The following MICAL2 variants were observed in gnomAD, a reference collection of about 807,000 sequenced individuals.
The protein encoded by MICAL2 is microtubule associated monooxygenase, calponin and LIM domain containing 2.
In MICAL2, 77 loss-of-function variants were observed where a neutral mutation model predicts 127.3. That is an observed-to-expected ratio of 0.60 (90% CI 0.50 to 0.73). The LOEUF is 0.73. Among genes scored for constraint, MICAL2 ranks in the 30% least tolerant of loss-of-function variants. MICAL2 has a pLI of 0.00. For missense variants in MICAL2, 1,351 were observed against 1,434.4 expected (o/e 0.94, Z 0.94); for synonymous variants, 570 against 551.1 (o/e 1.03, Z -0.48).
At position 12,145,347 on chromosome 11, in the gene MICAL2, CG is replaced by C. The variant is rs528299123; in HGVS notation, c.-78+6891del. 1.1e-4 allele frequency among the ~76,000 whole-genome samples: 17 copies of C among 152,250 alleles called. No individual in the cohort carries two copies. The East Asian group carries it at 3.1e-3, about 28-fold the overall frequency. On this transcript the variant is annotated intron_variant, in intron 2 of 27. Coordinates refer to ENST00000683283, the MANE Select transcript of MICAL2 (RefSeq NM_001282663.2). ...TACCCGATAAAGGCATCTTCTAGGC[CG>C]GGGCCTGGAAAGACAGATGATGTTT...
chr11:12,187,397 T>G (rs1037329000), intron 3 of MICAL2, among the ~76,000 whole-genome samples: 7 of 152,236 alleles, frequency 4.6e-5, no homozygotes, highest in African/African-American at 1.7e-4. Flanking sequence ...TCTAGGGGTG[T>G]GGTCCTGGGT....
intron 32 of MICAL2, among the ~76,000 whole-genome samples, chr11:12,332,136 GA>G (rs1340571729): frequency 1.7e-4 from 26 of 152,202 alleles, no homozygotes; most frequent in African/African-American, 6.0e-4. Flanking sequence ...TATGGGTTTT[GA>G]GGCATGCCTC....
At chr11:12,258,625 A>G in intron 25 of MICAL2, 69 bp downstream of exon 25, 1 of 1,423,522 alleles carries the variant, frequency 7.0e-7, no homozygotes, top group African/African-American at 1.4e-5. Context: ...GTGATCCTCA[A>G]AGTTAGGCCA....
intron 32 of MICAL2, among the ~76,000 whole-genome samples, chr11:12,329,448 C>T (rs1178201341): frequency 3.3e-5 from 5 of 152,144 alleles, no homozygotes; most frequent in South Asian, 2.1e-4. Context: ...TTCAGTTTGC[C>T]GCCAGCAACA....
intron 32 of MICAL2, among the ~76,000 whole-genome samples, chr11:12,349,031 C>T (rs1939001485): frequency 6.6e-6 from 1 of 152,178 alleles, no homozygotes; most frequent in Non-Finnish European, 1.5e-5. Flanking sequence ...GCCTTGTTTT[C>T]CCCTCTGCGT....
chr11:12,233,104 G>A lies in MICAL2; in HGVS notation c.1996-3073G>A, dbSNP rs756684381. Among the ~76,000 whole-genome samples the A allele has an allele frequency of 2.0e-4, 30 of 152,176 alleles. 1 individual carries two copies. Among genetic ancestry groups the A allele is most frequent in the Non-Finnish European group, 3.8e-4 (26 of 68,042 alleles). On this transcript the variant is annotated intron_variant, in intron 15 of 27. Coordinates refer to ENST00000683283, the MANE Select transcript of MICAL2 (RefSeq NM_001282663.2). ...TCCATGGTTTCTGGATTCCACTGGG[G>A]GCCTTGGAATGTATCTGCCATGGAT...
chr11:12,298,855 T>A (rs1864015129), intron 29 of MICAL2, among the ~76,000 whole-genome samples: 1 of 152,232 alleles, frequency 6.6e-6, no homozygotes, highest in East Asian at 1.9e-4. Context: ...TTGGTCATGA[T>A]GTGTTATTAC....
chr11:12,279,323 A>C (rs1286365277), intron 1 of MICAL2, among the ~76,000 whole-genome samples: 1 of 152,098 alleles, frequency 6.6e-6, no homozygotes, highest in Non-Finnish European at 1.5e-5. Flanking sequence ...GAACGAGTAG[A>C]TGTGGGGAGA....
At chr11:12,157,742 G>T (rs1590112831) in intron 2 of MICAL2, among the ~76,000 whole-genome samples, 1 of 152,064 alleles carries the variant, frequency 6.6e-6, no homozygotes, top group African/African-American at 2.4e-5. Flanking sequence ...TGAGGGGAAG[G>T]ATAGCCACCA....
chr11:12,339,291 T>A (rs543555402), intron 32 of MICAL2, among the ~76,000 whole-genome samples: 1 of 152,372 alleles, frequency 6.6e-6, no homozygotes, highest in East Asian at 1.9e-4. Flanking sequence ...GCCGTGGTTT[T>A]CAGCTCCATC....
intron 2 of MICAL2, among the ~76,000 whole-genome samples, chr11:12,144,775 T>C (rs988190): frequency 0.48 from 72,817 of 151,960 alleles, 18,071 homozygotes; most frequent in South Asian, 0.68. Flanking sequence ...GACCAATAAC[T>C]TCCTCCAGTT....
At position 12,150,058 on chromosome 11, in the gene MICAL2, G is replaced by C. The variant is rs1853403051; in HGVS notation, c.-78+11598G>C. On this transcript the variant is annotated intron_variant, in intron 2 of 27. Coordinates refer to ENST00000683283, the MANE Select transcript of MICAL2 (RefSeq NM_001282663.2). ...TGTGAGGAGAAAACAGATTGTGGTG[G>C]TTTGATGGATGAGTGGGAGGTGAGG... 2.0e-5 allele frequency among the ~76,000 whole-genome samples: 3 copies of C among 152,162 alleles called. No homozygotes were observed. The South Asian group carries it at 6.2e-4, about 32-fold the overall frequency.
chr11:12,271,672 G>GT (rs1863677814), upstream of MICAL2, among the ~76,000 whole-genome samples: 2 of 152,148 alleles, frequency 1.3e-5, no homozygotes, highest in Admixed American at 6.5e-5. Context: ...TCCAGTATTT[G>GT]TACTAGTGCC....
chr11:12,270,877 G>A (rs1863666955), intron 24 of MICAL2, among the ~76,000 whole-genome samples: 1 of 152,188 alleles, frequency 6.6e-6, no homozygotes, highest in South Asian at 2.1e-4. Flanking sequence ...GGGTTCTGGG[G>A]GTGAGTGGAA....
chr11:12,212,736 C>A (rs1855643583), intron 6 of MICAL2, among the ~76,000 whole-genome samples: 1 of 126,056 alleles, frequency 7.9e-6, no homozygotes, highest in Admixed American at 7.6e-5. Flanking sequence ...GATTTCAACA[C>A]ATGAATTTGT....
downstream of MICAL2, among the ~76,000 whole-genome samples, chr11:12,266,522 T>A (rs2134744966): frequency 6.6e-6 from 1 of 152,374 alleles, no homozygotes; most frequent in East Asian, 1.9e-4. Flanking sequence ...TAGGGAACAT[T>A]TTCTCTGTGC....
At chr11:12,354,397 G>T (rs567285838) in intron 33 of MICAL2, among the ~76,000 whole-genome samples, 1 of 152,150 alleles carries the variant, frequency 6.6e-6, no homozygotes, top group East Asian at 1.9e-4. Context: ...GCTTGAACCT[G>T]GGAGGTGGAG....
intron 32 of MICAL2, among the ~76,000 whole-genome samples, chr11:12,342,554 G>A (rs188709455): frequency 1.1e-3 from 172 of 152,318 alleles, no homozygotes; most frequent in African/African-American, 3.9e-3. Context: ...AGAACTAGAC[G>A]TTGGAAGAAA....
chr11:12,321,388 A>G (rs150343524), intron 30 of MICAL2, among the ~76,000 whole-genome samples: 45 of 152,274 alleles, frequency 3.0e-4, no homozygotes, highest in Non-Finnish European at 5.3e-4. Flanking sequence ...GGAGACCATG[A>G]CAGCTCAAAT....
Sources: allele counts gnomAD v4.1 joint callset (sites outside exome capture counted in the v4.1 genomes callset), GRCh38; gene constraint gnomAD v4.1.1; transcripts MANE v1.5; gene names NCBI Gene and HGNC (gene_info 2026-07-23, HGNC 2026-07-21).